P2RY8: variants seen among roughly 807,000 people sequenced by gnomAD.
P2RY8 encodes the protein S-geranylgeranyl-glutathione receptor P2RY8.
A neutral mutation model predicts 10.0 loss-of-function variants in P2RY8; 6 were observed. The ratio of observed to expected loss-of-function variants is 0.60; its 90% CI spans 0.33 to 1.19. P2RY8 has a LOEUF of 1.19. Ranked by LOEUF, P2RY8 falls within the 50% of genes most tolerant of loss-of-function variation. The probability of loss-of-function intolerance (pLI) is 0.04; values close to 1 mark genes in which losing one functional copy is unlikely to be tolerated. For synonymous variants in P2RY8, 276 were observed against 252.5 expected, an observed-to-expected ratio of 1.09 and a Z score of -0.88; for missense variants, 456 against 542.0, an observed-to-expected ratio of 0.84 and a Z score of 1.58.
chrX:1,482,941 T>G (rs1219124187), intron 1 of P2RY8, among the ~76,000 whole-genome samples: 3 of 146,102 alleles, frequency 2.1e-5, no homozygotes, highest in African/African-American at 5.1e-5. Flanking sequence ...CGGGGACTGT[T>G]GTGGGGTGGG....
chrX:1,522,603 G>T (rs2092401080), intron 1 of P2RY8, among the ~76,000 whole-genome samples: 2 of 152,248 alleles, frequency 1.3e-5, no homozygotes, highest in African/African-American at 4.8e-5. Flanking sequence ...ATGAGCCTAG[G>T]CAACATAGCA....
intron 1 of P2RY8, among the ~76,000 whole-genome samples, chrX:1,467,164 C>G (rs758228147): frequency 6.6e-6 from 1 of 152,172 alleles, no homozygotes; most frequent in East Asian, 1.9e-4. Context: ...GGGCATCCAC[C>G]CACAAAGTGT....
At position 1,462,870 on chromosome X, in the gene P2RY8, C is replaced by T; in HGVS notation, c.*2609G>A. 8.6e-6 allele frequency: 2 copies of T among 232,814 alleles called. No homozygotes were observed. The highest frequency in any genetic ancestry group is 1.2e-4 in the East Asian group (2 of 16,548). The allele number at this position is 232,814 out of a possible 1,614,324, so 14.4% of individuals were successfully genotyped here. A position where few individuals can be genotyped will look rare whatever the true frequency, so the allele number is the denominator to read the frequency against. On this transcript the variant is annotated 3_prime_UTR_variant, in exon 2 of 2. Coordinates refer to ENST00000381297, the MANE Select transcript of P2RY8 (RefSeq NM_178129.5). ...ACCTGTGTTATCTTTTCACTCAAAG[C>T]TCAACCAGTGAACAGACTGAGTCAG...
At chrX:1,487,254 A>G (rs183185219) in intron 1 of P2RY8, among the ~76,000 whole-genome samples, 114 of 152,324 alleles carry the variant, frequency 7.5e-4, no homozygotes, top group Non-Finnish European at 1.3e-3. Context: ...TCCCGGCCAC[A>G]CAGAGCTTCC....
At chrX:1,505,329 C>T (rs1272281505) in intron 1 of P2RY8, among the ~76,000 whole-genome samples, 1 of 152,052 alleles carries the variant, frequency 6.6e-6, no homozygotes, top group Non-Finnish European at 1.5e-5. Flanking sequence ...CAGAGGGCCT[C>T]GTCACCGGCC....
intron 1 of P2RY8, among the ~76,000 whole-genome samples, chrX:1,534,117 ATATAT>A (rs1453863746): frequency 6.2e-4 from 81 of 130,164 alleles, no homozygotes; most frequent in African/African-American, 2.4e-3. Context: ...ATATATTTAC[ATATAT>A]TATATATTTA....
intron 1 of P2RY8, among the ~76,000 whole-genome samples, chrX:1,511,041 G>T (rs1308068577): frequency 6.6e-6 from 1 of 151,068 alleles, no homozygotes; most frequent in African/African-American, 2.4e-5. Flanking sequence ...TTAGCCAGCT[G>T]TGGTGGCAGG....
chrX:1,472,119 G>T (rs1189677814), intron 1 of P2RY8, among the ~76,000 whole-genome samples: 1 of 152,048 alleles, frequency 6.6e-6, no homozygotes, highest in Non-Finnish European at 1.5e-5. Flanking sequence ...TACGTAGAAG[G>T]AAGTTGTCGT....
intron 1 of P2RY8, among the ~76,000 whole-genome samples, chrX:1,533,767 C>T (rs2092500833): frequency 1.7e-5 from 2 of 119,154 alleles, no homozygotes; most frequent in Admixed American, 9.4e-5. Context: ...ATATTATATA[C>T]TTATATATTT....
chrX:1,531,279 C>A (rs1373841746), intron 1 of P2RY8, among the ~76,000 whole-genome samples: 5 of 152,230 alleles, frequency 3.3e-5, no homozygotes, highest in East Asian at 3.9e-4. Flanking sequence ...ATGGCCCCAC[C>A]ACAGGGAATT....
At chrX:1,476,583 C>A (rs1449428230) in intron 1 of P2RY8, among the ~76,000 whole-genome samples, 1 of 129,180 alleles carries the variant, frequency 7.7e-6, no homozygotes, top group Non-Finnish European at 1.7e-5. Flanking sequence ...TGAGACTCTG[C>A]CTCAAAAAGA....
Position 1,512,390 on chromosome X carries a change from C to T in P2RY8, c.-25+24531G>A, listed in dbSNP as rs1225416243. ...GGTGAAACCCCATCTCTACTAAAAA[C>T]ACAAAAATTAGCCAGGCGTGGTGGT... is the stretch of plus-strand genomic sequence containing the variant. On this transcript the variant is annotated intron_variant, in intron 1 of 1. Coordinates refer to ENST00000381297, the MANE Select transcript of P2RY8 (RefSeq NM_178129.5). Among the ~76,000 whole-genome samples the T allele has an allele frequency of 4.0e-5, 6 of 151,806 alleles. No individual in the cohort carries two copies. In the South Asian group the frequency reaches 1.3e-3, roughly 32 times the overall value.
chrX:1,478,510 G>C (rs1383663439), intron 1 of P2RY8, among the ~76,000 whole-genome samples: 17 of 151,752 alleles, frequency 1.1e-4, no homozygotes, highest in Non-Finnish European at 1.6e-4. Context: ...ACAGAGTCTC[G>C]CTCTGTTGTC....
intron 1 of P2RY8, among the ~76,000 whole-genome samples, chrX:1,516,020 TAA>T (rs765204755): frequency 0.011 from 1,430 of 126,006 alleles, 34 homozygotes; most frequent in African/African-American, 0.039. Flanking sequence ...CTGTCTCTAC[TAA>T]AAAAAAAAAA....
intron 1 of P2RY8, among the ~76,000 whole-genome samples, chrX:1,470,512 T>C (rs2091771145): frequency 6.6e-6 from 1 of 151,764 alleles, no homozygotes; most frequent in Non-Finnish European, 1.5e-5. Flanking sequence ...AAAGCAAAAC[T>C]CCATCTCAAA....
intron 1 of P2RY8, among the ~76,000 whole-genome samples, chrX:1,482,006 T>C (rs2091940661): frequency 6.6e-6 from 1 of 152,320 alleles, no homozygotes; most frequent in African/African-American, 2.4e-5. Context: ...GTGGAGATTT[T>C]GATCTGCGTC....
At chrX:1,497,832 G>A (rs1177674441) in intron 1 of P2RY8, among the ~76,000 whole-genome samples, 3 of 151,962 alleles carry the variant, frequency 2.0e-5, no homozygotes, top group African/African-American at 4.8e-5. Flanking sequence ...TGTTGGGACC[G>A]GCTTGGAGGC....
intron 1 of P2RY8, among the ~76,000 whole-genome samples, chrX:1,477,304 G>A (rs868632222): frequency 3.7e-4 from 17 of 46,558 alleles, no homozygotes; most frequent in African/African-American, 1.5e-3. Flanking sequence ...TATATCAATC[G>A]TCTTGCAACC....
intron 1 of P2RY8, among the ~76,000 whole-genome samples, chrX:1,508,819 A>C (rs2092260354): frequency 1.4e-5 from 2 of 145,244 alleles, no homozygotes; most frequent in Non-Finnish European, 3.0e-5. Context: ...TCTATCATCT[A>C]TGCATCCATC....
Sources: allele counts gnomAD v4.1 joint callset (sites outside exome capture counted in the v4.1 genomes callset), GRCh38; gene constraint gnomAD v4.1.1; transcripts MANE v1.5; gene names NCBI Gene and HGNC (gene_info 2026-07-23, HGNC 2026-07-21).